The following LINGO3 variants were observed in gnomAD, a reference collection of about 807,000 sequenced individuals.
The protein encoded by LINGO3 is leucine-rich repeat and immunoglobulin-like domain-containing nogo receptor-interacting protein 3.
For synonymous variants in LINGO3, 427 were observed against 444.2 expected, an observed-to-expected ratio of 0.96 and a Z score of 0.49; for missense variants, 750 against 867.7, an observed-to-expected ratio of 0.86 and a Z score of 1.70.
chr19:2,296,993 G>A (rs950652862), upstream of LINGO3, among the ~76,000 whole-genome samples: 2 of 151,674 alleles, frequency 1.3e-5, no homozygotes, highest in Non-Finnish European at 2.9e-5. Context: ...TCGGGAGGCT[G>A]AGGCAGGAGA....
chr19:2,295,072 T>C (rs1169195725), upstream of LINGO3, among the ~76,000 whole-genome samples: 1 of 152,104 alleles, frequency 6.6e-6, no homozygotes, highest in Non-Finnish European at 1.5e-5. Flanking sequence ...TACGCGAATT[T>C]AATCCCAGAG....
At chr19:2,289,197 GTCCCGGGTGTGAGCTGTGTT>G (rs1330550541), downstream of LINGO3, among the ~76,000 whole-genome samples, 7 of 149,676 alleles carry the variant, frequency 4.7e-5, no homozygotes, top group Admixed American at 6.7e-5. Flanking sequence ...TGAGCTGTGT[GTCCCGGGTGTGAGCTGTGTT>G]TCCCGGGTGT....
At chr19:2,291,229 C>G in exon 1 of LINGO3, 1 of 1,611,310 alleles carries the variant, frequency 6.2e-7, no homozygotes, top group Non-Finnish European at 8.5e-7. Flanking sequence ...GAGGTTGCAG[C>G]GCTCCAGGGT....
downstream of LINGO3, among the ~76,000 whole-genome samples, chr19:2,287,549 C>A (rs1277452624): frequency 1.3e-5 from 2 of 152,238 alleles, no homozygotes; most frequent in African/African-American, 4.8e-5. This position sits in a 1 kb window ranked among gnomAD's most constrained non-coding sequence, Gnocchi z 4.5. Context: ...GCCCTCCCGG[C>A]CACAGCTCAG....
upstream of LINGO3, among the ~76,000 whole-genome samples, chr19:2,295,217 T>C (rs1382566698): frequency 6.6e-6 from 1 of 152,154 alleles, no homozygotes; most frequent in African/African-American, 2.4e-5. Context: ...CCTAATTCAA[T>C]GACTGGCATC....
downstream of LINGO3, among the ~76,000 whole-genome samples, chr19:2,288,095 G>GC (rs2025482475): frequency 6.6e-6 from 1 of 152,162 alleles, no homozygotes; most frequent in Admixed American, 6.5e-5. The surrounding 1 kb of genome is among the most constrained non-coding windows in gnomAD (Gnocchi z 6.5). Flanking sequence ...CTGCTTGTTT[G>GC]CCCCCCGTGA....
chr19:2,302,453 G>C, the LINGO3 span, among the ~76,000 whole-genome samples: 1 of 152,220 alleles, frequency 6.6e-6, no homozygotes, highest in East Asian at 1.9e-4. Context: ...ACGGAGGTCA[G>C]AACAGCTGTG....
At chr19:2,293,735 T>C (rs1038330588), upstream of LINGO3, among the ~76,000 whole-genome samples, 1 of 151,450 alleles carries the variant, frequency 6.6e-6, no homozygotes, top group Non-Finnish European at 1.5e-5. Flanking sequence ...TCTCAGACCC[T>C]GTTGTAGGTG....
At chr19:2,299,511 C>T in the LINGO3 span, among the ~76,000 whole-genome samples, 1 of 151,212 alleles carries the variant, frequency 6.6e-6, no homozygotes. Flanking sequence ...GCAAGCTCCA[C>T]CTCCCATGTT....
the LINGO3 span, among the ~76,000 whole-genome samples, chr19:2,305,874 G>A: frequency 6.6e-6 from 1 of 152,178 alleles, no homozygotes; most frequent in African/African-American, 2.4e-5. Flanking sequence ...CTGCTTTTGG[G>A]GACACGCTGC....
At chr19:2,295,382 C>T (rs2025563713), upstream of LINGO3, among the ~76,000 whole-genome samples, 1 of 152,100 alleles carries the variant, frequency 6.6e-6, no homozygotes, top group South Asian at 2.1e-4. Context: ...CCCCAAAAGC[C>T]CCCAAAGGAA....
At chr19:2,308,097 ACGGCGCGGGCTG>A in the LINGO3 span, among the ~76,000 whole-genome samples, 8 of 146,418 alleles carry the variant, frequency 5.5e-5, no homozygotes, top group Admixed American at 2.0e-4. Context: ...CGCCGCGGAC[ACGGCGCGGGCTG>A]CGGCGCGGGG....
chr19:2,299,569 G>A, the LINGO3 span, among the ~76,000 whole-genome samples: 8 of 151,168 alleles, frequency 5.3e-5, no homozygotes, highest in South Asian at 1.0e-3. Context: ...GACTGCAGGC[G>A]CCCACCACTA....
At chr19:2,287,502 C>G (rs186965251), downstream of LINGO3, among the ~76,000 whole-genome samples, 3 of 152,206 alleles carry the variant, frequency 2.0e-5, no homozygotes, top group Non-Finnish European at 2.9e-5. The surrounding 1 kb of genome is among the most constrained non-coding windows in gnomAD (Gnocchi z 4.5). Flanking sequence ...TCATGTCGAG[C>G]CCCCTGGGCC....
At chr19:2,305,248 G>A in the LINGO3 span, among the ~76,000 whole-genome samples, 1 of 152,082 alleles carries the variant, frequency 6.6e-6, no homozygotes, top group African/African-American at 2.4e-5. Context: ...CACCAACCAC[G>A]GTGCAGGCAC....
the LINGO3 span, among the ~76,000 whole-genome samples, chr19:2,301,440 C>T: frequency 7.9e-5 from 12 of 152,236 alleles, no homozygotes; most frequent in East Asian, 3.9e-4. Flanking sequence ...TCCCTGGACA[C>T]GGCCCAGAGT....
chr19:2,293,077 CTTTT>C (rs1751775586), upstream of LINGO3, among the ~76,000 whole-genome samples: 1 of 151,890 alleles, frequency 6.6e-6, no homozygotes, highest in South Asian at 2.1e-4. Context: ...TTCTTTCTTT[CTTTT>C]TGAGACGGAG....
chr19:2,288,133 C>T (rs148110901), downstream of LINGO3, among the ~76,000 whole-genome samples: 4 of 152,322 alleles, frequency 2.6e-5, no homozygotes, highest in African/African-American at 7.2e-5. The surrounding 1 kb of genome is among the most constrained non-coding windows in gnomAD (Gnocchi z 6.5). Context: ...GCAGAGCAAC[C>T]GGGCGGTGAC....
the LINGO3 span, among the ~76,000 whole-genome samples, chr19:2,306,917 G>A: frequency 3.3e-5 from 5 of 152,070 alleles, no homozygotes; most frequent in African/African-American, 7.2e-5. Flanking sequence ...AGGCCATGCC[G>A]CGGCAGCCCA....
Sources: gnomAD v4.1 joint callset for allele counts (sites outside exome capture counted in the v4.1 genomes callset) on GRCh38, gnomAD v4.1.1 for gene constraint, Gnocchi (gnomAD v3.1) non-coding constraint, MANE v1.5 for transcripts, NCBI Gene and HGNC (gene_info 2026-07-23, HGNC 2026-07-21) for gene names.